Variants in FIP1L1 observed in about 807,000 individuals in gnomAD.
The protein encoded by FIP1L1 is factor interacting with PAPOLA and CPSF1, also known as pre-mRNA 3'-end-processing factor FIP1.
Under a neutral mutation model 84.6 loss-of-function variants are expected in FIP1L1, and 21 were observed. The observed-to-expected ratio is 0.25, with a 90% CI of 0.18 to 0.36. FIP1L1 has a LOEUF of 0.36. FIP1L1 is among the 10% of genes least tolerant of loss of function. The pLI, the probability that FIP1L1 is intolerant of heterozygous loss-of-function variation, is 1.00. For synonymous variants in FIP1L1, 263 were observed against 242.3 expected (o/e 1.09, Z -0.80); for missense variants, 526 against 751.1 (o/e 0.70, Z 3.50).
intron 13 of FIP1L1, among the ~76,000 whole-genome samples, chr4:53,440,182 C>T (rs1771297065): frequency 6.6e-6 from 1 of 152,034 alleles, no homozygotes; most frequent in Non-Finnish European, 1.5e-5. Context: ...TATCCTTGTA[C>T]TACCTGCAGT....
At chr4:53,418,381 C>T (rs1010752362) in intron 11 of FIP1L1, among the ~76,000 whole-genome samples, 2 of 152,138 alleles carry the variant, frequency 1.3e-5, no homozygotes, top group African/African-American at 2.4e-5. Context: ...AGTGTTTTCC[C>T]GATTTTAACA....
intron 5 of FIP1L1, among the ~76,000 whole-genome samples, chr4:53,385,375 T>C (rs1266987127): frequency 6.6e-6 from 1 of 152,148 alleles, no homozygotes; most frequent in African/African-American, 2.4e-5. Context: ...TGGACTTCCA[T>C]AGTACCTTAC....
intron 13 of FIP1L1, among the ~76,000 whole-genome samples, chr4:53,437,267 T>C (rs1769683733): frequency 7.8e-6 from 1 of 128,916 alleles, no homozygotes; most frequent in South Asian, 2.5e-4. Flanking sequence ...AGGCAGAGGT[T>C]GCAGTGAGCC....
intron 4 of FIP1L1, among the ~76,000 whole-genome samples, chr4:53,382,811 G>A (rs1307250094): frequency 1.3e-5 from 2 of 152,160 alleles, no homozygotes; most frequent in East Asian, 1.9e-4. Context: ...TTATTGTTCC[G>A]GAAGTTTGAA....
At chr4:53,405,060 G>A (rs1752498262) in intron 10 of FIP1L1, among the ~76,000 whole-genome samples, 2 of 152,316 alleles carry the variant, frequency 1.3e-5, no homozygotes, top group East Asian at 3.9e-4. Flanking sequence ...TGCTTTTGGT[G>A]TTTTAGACAT....
chr4:53,444,186 A>ACGCCTGTAATCCCAGCACTT, intron 15 of FIP1L1, 83 bp downstream of exon 15: 1 of 895,382 alleles, frequency 1.1e-6, no homozygotes, highest in Non-Finnish European at 1.9e-6. Context: ...AAACGTGTTC[A>ACGCCTGTAATCCCAGCACTT]TGGTTTAACA....
intron 13 of FIP1L1, 195 bp from the exon 14 acceptor site, chr4:53,442,458 A>T: frequency 1.8e-6 from 1 of 545,746 alleles, no homozygotes; most frequent in Non-Finnish European, 3.3e-6. Flanking sequence ...ATTAGACCAG[A>T]CTGCTTACTT....
intron 11 of FIP1L1, among the ~76,000 whole-genome samples, chr4:53,415,963 A>AT (rs1467325656): frequency 6.6e-6 from 1 of 152,180 alleles, no homozygotes; most frequent in Non-Finnish European, 1.5e-5. Context: ...GTACTCATTG[A>AT]TTTTTTAAAT....
At chr4:53,389,148 T>A (rs1021648830) in intron 5 of FIP1L1, among the ~76,000 whole-genome samples, 8 of 152,238 alleles carry the variant, frequency 5.3e-5, no homozygotes, top group Non-Finnish European at 8.8e-5. Context: ...GCTTTCATGC[T>A]AGACTTATTT....
At chr4:53,386,221 G>A (rs1741018431) in intron 5 of FIP1L1, among the ~76,000 whole-genome samples, 1 of 152,024 alleles carries the variant, frequency 6.6e-6, no homozygotes, top group African/African-American at 2.4e-5. Context: ...TAATTTATCT[G>A]GCACTGTGTT....
In FIP1L1 at chr4:53,432,272, C is replaced by T. The variant is rs141300443; in HGVS notation, c.1174+4089C>T. Among the ~76,000 whole-genome samples, 1,188 of 151,746 alleles carry T rather than the reference C, an allele frequency of 7.8e-3. 15 individuals are homozygous for T. The highest frequency in any genetic ancestry group is 0.027 in the African/African-American group (1,122 of 41,362). ...AATTAGCTGGGTGTGGTGGCATACA[C>T]CTGTAGTCCTGGCTACTTAGGAGGC... On this transcript the variant is annotated intron_variant, in intron 13 of 17. Coordinates refer to ENST00000337488, the MANE Select transcript of FIP1L1 (RefSeq NM_030917.4).
intron 11 of FIP1L1, among the ~76,000 whole-genome samples, chr4:53,423,941 T>G (rs1763374604): frequency 6.6e-6 from 1 of 152,140 alleles, no homozygotes; most frequent in South Asian, 2.1e-4. Context: ...TCCTCAGAAA[T>G]AAATGGTAAA....
chr4:53,452,550 C>T (rs1001530630), intron 15 of FIP1L1, among the ~76,000 whole-genome samples: 3 of 152,164 alleles, frequency 2.0e-5, no homozygotes, highest in African/African-American at 7.2e-5. Context: ...AACTCCTAGC[C>T]TCAAGTTATC....
chr4:53,456,708 C>T (rs1253852017), intron 16 of FIP1L1, among the ~76,000 whole-genome samples: 1 of 152,024 alleles, frequency 6.6e-6, no homozygotes, highest in Non-Finnish European at 1.5e-5. Context: ...TAATAATTTC[C>T]AGGTCCAGAG....
chr4:53,383,067 CTG>C (rs1738952802), intron 4 of FIP1L1, among the ~76,000 whole-genome samples: 1 of 151,392 alleles, frequency 6.6e-6, no homozygotes, highest in African/African-American at 2.4e-5. Context: ...ATTTGTGACA[CTG>C]TGAATCTTAA....
chr4:53,385,987 T>C (rs1215768869), intron 5 of FIP1L1, among the ~76,000 whole-genome samples: 1 of 151,580 alleles, frequency 6.6e-6, no homozygotes, highest in South Asian at 2.1e-4. Flanking sequence ...ACAAACTGTG[T>C]CCAAGGACTG....
chr4:53,431,862 G>A (rs755075429), intron 13 of FIP1L1, among the ~76,000 whole-genome samples: 1 of 152,166 alleles, frequency 6.6e-6, no homozygotes, highest in Non-Finnish European at 1.5e-5. Flanking sequence ...GACTTTTAAT[G>A]TCAAATAGTT....
chr4:53,460,684 G>A lies in FIP1L1; in HGVS notation c.*1235G>A, dbSNP rs185798934. 7.7e-4 allele frequency: 362 copies of A among 469,332 alleles called. 2 individuals are homozygous for A. The highest frequency in any genetic ancestry group is 3.9e-3 in the African/African-American group (192 of 48,866). 29.1% of individuals were successfully genotyped at this position (469,332 alleles called of 1,614,324 possible). ...TAGAAAAAATATAAACAATGTTGTAGAGTAATGAGAAATCCTCCACACTGA... is the reference window on the plus strand; with the variant it reads ...TAGAAAAAATATAAACAATGTTGTAAAGTAATGAGAAATCCTCCACACTGA... On this transcript the variant is annotated 3_prime_UTR_variant, in exon 18 of 18. Coordinates refer to ENST00000337488, the MANE Select transcript of FIP1L1 (RefSeq NM_030917.4).
At chr4:53,439,034 T>A (rs1230962732) in intron 13 of FIP1L1, among the ~76,000 whole-genome samples, 1 of 152,136 alleles carries the variant, frequency 6.6e-6, no homozygotes, top group Non-Finnish European at 1.5e-5. Flanking sequence ...ACGAAAATAA[T>A]CATGTATTTA....
Sources: allele counts gnomAD v4.1 joint callset (sites outside exome capture counted in the v4.1 genomes callset), GRCh38; gene constraint gnomAD v4.1.1; transcripts MANE v1.5; gene names NCBI Gene and HGNC (gene_info 2026-07-23, HGNC 2026-07-21).